The following CAMTA1 variants were observed in gnomAD, a reference collection of about 807,000 sequenced individuals.
CAMTA1 encodes the protein calmodulin binding transcription activator 1.
CAMTA1 carries 27 observed loss-of-function variants against 170.9 expected under a neutral mutation model. That is an observed-to-expected ratio of 0.16 (90% confidence interval 0.12 to 0.22). The LOEUF (loss-of-function observed/expected upper bound fraction) is 0.22. Ranked by LOEUF, CAMTA1 falls within the 10% of genes least tolerant of loss-of-function variation. The pLI, the probability that CAMTA1 is intolerant of heterozygous loss-of-function variation, is 1.00. For synonymous variants in CAMTA1, 833 were observed against 891.5 expected (o/e 0.93, Z 1.17); for missense variants, 1,619 against 2,217.2 (o/e 0.73, Z 5.42).
At chr1:7,066,329 A>G (rs914872225) in intron 3 of CAMTA1, among the ~76,000 whole-genome samples, 1 of 152,176 alleles carries the variant, frequency 6.6e-6, no homozygotes, top group Non-Finnish European at 1.5e-5. Context: ...TGGGCTGGCT[A>G]TGCACCACCC....
chr1:7,762,260 A>ATCCTTCT, intron 22 of CAMTA1, among the ~76,000 whole-genome samples: 1 of 152,260 alleles, frequency 6.6e-6, no homozygotes, highest in African/African-American at 2.4e-5. Context: ...ACCCAGAGAT[A>ATCCTTCT]ATAATGGTTA....
chr1:6,866,417 T>TG lies in CAMTA1; in HGVS notation c.234+41209dup, dbSNP rs539849517. The stretch of plus-strand genomic sequence containing the variant: ...CCAGTGGAAAGATGAAAGTGAACCC[T>TG]GGTATGCCTGGCTAGTAAGTTTAAA... On this transcript the variant is annotated intron_variant, in intron 3 of 22. Transcript: ENST00000303635. Among the ~76,000 whole-genome samples the TG allele has an allele frequency of 1.2e-3, 185 of 152,320 alleles. 1 individual carries two copies. The highest frequency in any genetic ancestry group is 4.3e-3 in the African/African-American group (179 of 41,554).
chr1:7,302,465 C>T (rs903304263), intron 5 of CAMTA1, among the ~76,000 whole-genome samples: 8 of 152,184 alleles, frequency 5.3e-5, no homozygotes, highest in African/African-American at 9.7e-5. Context: ...GAGAAATACC[C>T]GAAATATGGG....
chr1:7,164,072 A>G (rs1647848590), intron 4 of CAMTA1, among the ~76,000 whole-genome samples: 1 of 152,250 alleles, frequency 6.6e-6, no homozygotes, highest in African/African-American at 2.4e-5. Flanking sequence ...ATGCCAGGAT[A>G]GCAGTTAGCT....
intron 4 of CAMTA1, among the ~76,000 whole-genome samples, chr1:7,194,127 GCC>G (rs1475751625): frequency 6.6e-6 from 1 of 152,108 alleles, no homozygotes. Flanking sequence ...ACTATTTTTG[GCC>G]CATGACATGC....
intron 5 of CAMTA1, among the ~76,000 whole-genome samples, chr1:7,408,052 G>A (rs560787177): frequency 3.5e-4 from 53 of 152,258 alleles, no homozygotes; most frequent in Non-Finnish European, 5.7e-4. Flanking sequence ...GCCTGGCACC[G>A]GCCACGAGGC....
At chr1:6,797,890 A>C (rs1305054977) in intron 1 of CAMTA1, among the ~76,000 whole-genome samples, 1 of 152,108 alleles carries the variant, frequency 6.6e-6, no homozygotes, top group Admixed American at 6.5e-5. Context: ...TAAACATTGA[A>C]GATGACTTAA....
At chr1:7,287,934 T>C (rs1303334496) in intron 5 of CAMTA1, among the ~76,000 whole-genome samples, 2 of 152,208 alleles carry the variant, frequency 1.3e-5, no homozygotes, top group African/African-American at 2.4e-5. Flanking sequence ...CTCAGTCCCA[T>C]GGCCAGTCTA....
chr1:6,925,059 CT>C (rs1682826742), intron 3 of CAMTA1, among the ~76,000 whole-genome samples: 2 of 152,232 alleles, frequency 1.3e-5, no homozygotes, highest in African/African-American at 4.8e-5. Context: ...TGAGGAGGGG[CT>C]GCTGCCAGTG....
intron 4 of CAMTA1, among the ~76,000 whole-genome samples, chr1:7,194,855 T>A (rs1655218852): frequency 6.6e-6 from 1 of 152,232 alleles, no homozygotes. Flanking sequence ...CTGTGATTTT[T>A]ATTTTCTGCT....
chr1:6,925,046 C>G (rs1380622005), intron 3 of CAMTA1, among the ~76,000 whole-genome samples: 3 of 152,228 alleles, frequency 2.0e-5, no homozygotes, highest in Admixed American at 6.5e-5. Context: ...GGCCTTGGAG[C>G]CTTGAGGAGG....
chr1:7,328,365 T>C (rs1205664317), intron 5 of CAMTA1, among the ~76,000 whole-genome samples: 2 of 151,726 alleles, frequency 1.3e-5, no homozygotes, highest in East Asian at 3.9e-4. Context: ...GTAGTGGTTA[T>C]GCTCCTGTAG....
intron 3 of CAMTA1, among the ~76,000 whole-genome samples, chr1:7,015,359 C>T (rs186631838): frequency 1.3e-5 from 2 of 152,178 alleles, no homozygotes; most frequent in Admixed American, 1.3e-4. Flanking sequence ...TCCACCCTCA[C>T]GGTTCACATT....
intron 4 of CAMTA1, among the ~76,000 whole-genome samples, chr1:7,121,449 AG>A (rs1461960381): frequency 6.6e-6 from 1 of 152,248 alleles, no homozygotes. Flanking sequence ...TGGTTGCTAG[AG>A]AACAGCCACA....
intron 6 of CAMTA1, among the ~76,000 whole-genome samples, chr1:7,489,705 C>G (rs1203244124): frequency 6.6e-6 from 1 of 152,212 alleles, no homozygotes; most frequent in African/African-American, 2.4e-5. Flanking sequence ...ACGCATCCAG[C>G]CTCCCCACCC....
In CAMTA1 at chr1:7,421,782, G is replaced by A. The variant is rs147266321; in HGVS notation, c.439-46048G>A. Among the ~76,000 whole-genome samples the A allele has an allele frequency of 3.7e-3, 560 of 152,086 alleles. 2 individuals are homozygous for A. Among genetic ancestry groups the A allele is most frequent in the African/African-American group, 0.011 (456 of 41,456 alleles). On this transcript the variant is annotated intron_variant, in intron 5 of 22. Coordinates refer to ENST00000303635, the MANE Select transcript of CAMTA1 (RefSeq NM_015215.4). ...GGAAAGACCAAGGAGGCAGGAGGCCGTTCTCCTGGGGTTGGGTGTCTGTGG... is the reference window on the plus strand; with the variant it reads ...GGAAAGACCAAGGAGGCAGGAGGCCATTCTCCTGGGGTTGGGTGTCTGTGG...
chr1:7,151,442 C>G (rs1012959852), intron 4 of CAMTA1, among the ~76,000 whole-genome samples: 1 of 152,198 alleles, frequency 6.6e-6, no homozygotes, highest in Non-Finnish European at 1.5e-5. Flanking sequence ...TCTGGGGTTC[C>G]CCTGGTGACC....
intron 4 of CAMTA1, among the ~76,000 whole-genome samples, chr1:7,186,032 G>A (rs543557656): frequency 3.9e-5 from 6 of 152,302 alleles, no homozygotes; most frequent in Non-Finnish European, 8.8e-5. Context: ...CAGTGTTAAT[G>A]TTCTGATTTT....
chr1:7,758,474 G>A (rs1454860072), intron 22 of CAMTA1, among the ~76,000 whole-genome samples: 4 of 152,266 alleles, frequency 2.6e-5, no homozygotes, highest in South Asian at 4.1e-4. Flanking sequence ...AAGGAATAGC[G>A]TATATATGGC....
Sources: allele counts gnomAD v4.1 joint callset (sites outside exome capture counted in the v4.1 genomes callset), GRCh38; gene constraint gnomAD v4.1.1; transcripts MANE v1.5; gene names NCBI Gene and HGNC (gene_info 2026-07-23, HGNC 2026-07-21).